The following ZP4 variants were observed in gnomAD, a reference collection of about 807,000 sequenced individuals.
The protein encoded by ZP4 is zona pellucida sperm-binding protein 4.
ZP4 carries 62 observed loss-of-function variants against 62.3 expected under a neutral mutation model. The observed-to-expected ratio is 0.99, with a 90% confidence interval of 0.81 to 1.23. ZP4 has a LOEUF of 1.23. Ranked by LOEUF, ZP4 falls within the 50% of genes most tolerant of loss-of-function variation. The pLI is 0.00. For synonymous variants in ZP4, 289 were observed against 247.3 expected (o/e 1.17, Z -1.58); for missense variants, 774 against 656.0 (o/e 1.18, Z -1.97).
chr1:237,888,592 T>C (rs1665165239), intron 3 of ZP4, 82 bp from the exon 4 acceptor site: 2 of 1,389,890 alleles, frequency 1.4e-6, no homozygotes, highest in Non-Finnish European at 9.8e-7. Flanking sequence ...TCATTGACTT[T>C]GGATTCCTGT....
rs1665027988 is a variant in ZP4, at chr1:237,884,019, CACACACACACACAAACACACACAA to C, written c.1390+726_1390+749del. ...ACACACACACACACACACACACAAA[CACACACACACACAAACACACACAA>C]ACACACACAAACACACACAAACACA... On this transcript the variant is annotated intron_variant, in intron 10 of 11. Coordinates refer to ENST00000366570, the MANE Select transcript of ZP4 (RefSeq NM_021186.5). Among the ~76,000 whole-genome samples, 38 of 58,664 alleles carry C rather than the reference CACACACACACACAAACACACACAA, an allele frequency of 6.5e-4. 1 individual carries two copies. Among genetic ancestry groups the C allele is most frequent in the African/African-American group, 2.2e-3 (31 of 14,254 alleles). 38.5% of individuals were successfully genotyped at this position (58,664 alleles called of 152,430 possible). A position where few individuals can be genotyped will look rare whatever the true frequency, so the allele number is the denominator to read the frequency against.
At chr1:237,882,950 C>G (rs1469194545) in intron 10 of ZP4, 104 bp from the exon 11 acceptor site, 4 of 873,810 alleles carry the variant, frequency 4.6e-6, no homozygotes, top group East Asian at 2.6e-5. Flanking sequence ...AAGCTTGGTT[C>G]TATGCCTTAC....
At chr1:237,883,763 G>GAGAGAGGAAGAGAGAGGAAGAGAGAGGA (rs1664994702) in intron 10 of ZP4, among the ~76,000 whole-genome samples, 3 of 44,188 alleles carry the variant, frequency 6.8e-5, no homozygotes, top group South Asian at 1.3e-3. Context: ...GAGAGAGAGG[G>GAGAGAGGAAGAGAGAGGAAGAGAGAGGA]AGAGAGAGGA....
chr1:237,884,113 ATTCTAC>A (rs1571931324), intron 10 of ZP4, among the ~76,000 whole-genome samples: 1 of 152,044 alleles, frequency 6.6e-6, no homozygotes, highest in Admixed American at 6.5e-5. Context: ...AACTGTTTTA[ATTCTAC>A]TTCTATTTGC....
At position 237,885,172 on chromosome 1, in the gene ZP4, C is replaced by T. The variant is rs780721219; in HGVS notation, c.1304G>A (p.Arg435Lys). 10 of 1,613,532 alleles carry T rather than the reference C, an allele frequency of 6.2e-6. No homozygotes were observed. In the African/African-American group the frequency reaches 1.1e-4, roughly 17 times the overall value. ...TGGAAGGGAACATCCTACCGGTCCC[C>T]TGAGGGCCTGTTTCTCCACTGTAGG... ...VNPTVEKQALRGPVHLHCSVS... is the reference protein window; with the variant it reads ...VNPTVEKQALKGPVHLHCSVS... The change falls in exon 9 of 12, where the codon AGG (arginine) becomes AAG (lysine). Residue 435 changes from arginine to lysine, a missense_variant. Arg to Lys is a conservative substitution (Grantham distance 26). Coordinates refer to ENST00000366570, the MANE Select transcript of ZP4 (RefSeq NM_021186.5).
chr1:237,890,701 C>T lies in ZP4; in HGVS notation c.-66G>A. On this transcript the variant is annotated 5_prime_UTR_variant, in exon 1 of 12. Coordinates refer to ENST00000366570, the MANE Select transcript of ZP4 (RefSeq NM_021186.5). Reference sequence around the variant, plus strand: ...TCCTCTCCCAAGAGCCGAGGGTCTGCCTGCCCAGATTCCTTTATATACAGA... The same window carrying T: ...TCCTCTCCCAAGAGCCGAGGGTCTGTCTGCCCAGATTCCTTTATATACAGA... 1 of 1,540,542 alleles carries T rather than the reference C, an allele frequency of 6.5e-7. No individual in the cohort carries two copies. The highest frequency in any genetic ancestry group is 8.8e-7 in the Non-Finnish European group (1 of 1,141,364).
At chr1:237,886,989 C>T (rs1413049681) in intron 5 of ZP4, 121 bp from the exon 6 acceptor site, 3 of 857,658 alleles carry the variant, frequency 3.5e-6, no homozygotes, top group Non-Finnish European at 5.5e-6. Context: ...ATTACTTCAG[C>T]AGAGGTAAGA....
rs77885991 is a variant in ZP4, at chr1:237,888,570, T to C, written c.401-60A>G. ...ATGGAAAAGTTAGTCTTGAATACCA[T>C]TTTGATACAAGTCATTGACTTTGGA... On this transcript the variant is annotated intron_variant, in intron 3 of 11. Transcript: ENST00000366570. The C allele has an allele frequency of 2.2e-4, 337 of 1,505,306 alleles. 3 individuals carry two copies. In the East Asian group the frequency reaches 6.6e-3, roughly 30 times the overall value. 93.2% of individuals were successfully genotyped at this position (1,505,306 alleles called of 1,614,324 possible). A position where few individuals can be genotyped will look rare whatever the true frequency, so the allele number is the denominator to read the frequency against.
intron 3 of ZP4, among the ~76,000 whole-genome samples, chr1:237,889,029 C>T (rs1023924850): frequency 1.2e-4 from 18 of 152,060 alleles, no homozygotes; most frequent in Admixed American, 7.2e-4. Flanking sequence ...CTCAGTCAGG[C>T]GAGACTTTCT....
chr1:237,882,417 T>G lies in ZP4; in HGVS notation c.*5A>C. 1 of 1,609,900 alleles carries G rather than the reference T, an allele frequency of 6.2e-7. No individual in the cohort carries two copies. Among genetic ancestry groups the G allele is most frequent in the Non-Finnish European group, 8.5e-7 (1 of 1,179,154 alleles). ...CTCAGCACAGGCTGGGAATACACTC[T>G]GGTTTTATTGACACATTTGGTCTGG... On this transcript the variant is annotated 3_prime_UTR_variant, in exon 12 of 12. Coordinates refer to ENST00000366570, the MANE Select transcript of ZP4 (RefSeq NM_021186.5).
intron 4 of ZP4, 123 bp downstream of exon 4, chr1:237,888,235 A>T (rs767534811): frequency 6.1e-6 from 6 of 977,218 alleles, no homozygotes; most frequent in Non-Finnish European, 8.6e-6. Flanking sequence ...GTGTTCTTGG[A>T]TGCATGGCTA....
At position 237,885,378 on chromosome 1, in the gene ZP4, A is replaced by C. The variant is rs1367150221; in HGVS notation, c.1160+13T>G. ...TGAGAATTTCAGCACAGGTGTATGA[A>C]AGAACCACTTACCCCTTTACCAGGA... is the stretch of plus-strand genomic sequence containing the variant. On this transcript the variant is annotated intron_variant, in intron 8 of 11. Transcript: ENST00000366570. The C allele has an allele frequency of 1.9e-6, 3 of 1,610,806 alleles. No homozygotes were observed. The highest frequency in any genetic ancestry group is 2.5e-6 in the Non-Finnish European group (3 of 1,178,428).
chr1:237,886,625 A>G (rs965279660), intron 6 of ZP4, 146 bp downstream of exon 6: 27 of 626,840 alleles, frequency 4.3e-5, no homozygotes, highest in Middle Eastern at 4.3e-4. Flanking sequence ...GATGGACCTA[A>G]TCAAGTAATG....
intron 10 of ZP4, among the ~76,000 whole-genome samples, chr1:237,883,726 G>GAGAGGGAGAGAGA (rs1558530140): frequency 6.2e-5 from 1 of 16,228 alleles, no homozygotes; most frequent in Non-Finnish European, 1.1e-4. Flanking sequence ...GGGGAGGGCG[G>GAGAGGGAGAGAGA]GGGAGGGAGA....
At chr1:237,884,569 T>G (rs554857296) in intron 10 of ZP4, among the ~76,000 whole-genome samples, 200 bp downstream of exon 10, 1 of 152,344 alleles carries the variant, frequency 6.6e-6, no homozygotes, top group Non-Finnish European at 1.5e-5. Flanking sequence ...GGTTGAGGGT[T>G]ACCCGAACAT....
At position 237,885,895 on chromosome 1, in the gene ZP4, A is replaced by C. The variant is rs1665091030; in HGVS notation, c.840-9T>G. ...TGCAGCTGACATGGAGCCTGCAGAG[A>C]AACAAGATTTTAGCTAGTTGGTTGT... On this transcript the variant is annotated splice_polypyrimidine_tract_variant and intron_variant, in intron 6 of 11. Transcript: ENST00000366570. 1 of 1,613,668 alleles carries C rather than the reference A, an allele frequency of 6.2e-7. No individual in the cohort carries two copies. Among genetic ancestry groups the C allele is most frequent in the South Asian group, 1.1e-5 (1 of 91,008 alleles).
chr1:237,886,776 G>A lies in ZP4; in HGVS notation c.834C>T (p.Ile278=), dbSNP rs781324264. The A allele has an allele frequency of 1.9e-6, 3 of 1,613,862 alleles. No individual in the cohort carries two copies. Among genetic ancestry groups the A allele is most frequent in the Non-Finnish European group, 2.5e-6 (3 of 1,179,892 alleles). ...CATTCTGGCCAAGCCCTTACCTGAAGATGCTGTCACGAGTGACAGAGCCAC... is the reference window on the plus strand; with the variant it reads ...CATTCTGGCCAAGCCCTTACCTGAAAATGCTGTCACGAGTGACAGAGCCAC... ...GSRGSVTRDS[I]FRLHVSCSYS... is the part of the protein sequence containing the mutation. The change falls in exon 6 of 12, where the codon ATC becomes ATT. Residue 278 remains isoleucine, a synonymous_variant. Transcript: ENST00000366570.
intron 3 of ZP4, 55 bp from the exon 4 acceptor site, chr1:237,888,565 T>C: frequency 6.6e-7 from 1 of 1,521,958 alleles, no homozygotes; most frequent in Non-Finnish European, 8.9e-7. Context: ...TAGTCTTGAA[T>C]ACCATTTTGA....
intron 5 of ZP4, 107 bp from the exon 6 acceptor site, chr1:237,886,975 T>C: frequency 1.1e-6 from 1 of 943,654 alleles, no homozygotes; most frequent in Non-Finnish European, 1.6e-6. Flanking sequence ...ATGGTATATT[T>C]CCTATTACTT....
Sources: allele counts gnomAD v4.1 joint callset (sites outside exome capture counted in the v4.1 genomes callset), GRCh38; gene constraint gnomAD v4.1.1; transcripts MANE v1.5; gene names NCBI Gene and HGNC (gene_info 2026-07-23, HGNC 2026-07-21).